The following FHIT variants were observed in gnomAD, a reference collection of about 807,000 sequenced individuals.
FHIT encodes fragile histidine triad diadenosine triphosphatase, also known as bis(5'-adenosyl)-triphosphatase.
Under a neutral mutation model 17.9 loss-of-function variants are expected in FHIT, and 19 were observed. That is an observed-to-expected ratio of 1.06 (90% CI 0.74 to 1.56). FHIT has a LOEUF of 1.56. FHIT is among the 40% of genes most tolerant of loss of function. FHIT has a pLI of 0.00. For missense variants in FHIT, 248 were observed against 189.2 expected (o/e 1.31, Z -1.82); for synonymous variants, 81 against 69.7 (o/e 1.16, Z -0.81).
At chr3:60,597,975 G>A (rs1356559074) in intron 4 of FHIT, among the ~76,000 whole-genome samples, 2 of 152,088 alleles carry the variant, frequency 1.3e-5, no homozygotes, top group East Asian at 3.9e-4. Context: ...GACAGCTCTT[G>A]GCTTCAGGAA....
At chr3:60,024,257 G>A (rs1483093070) in intron 5 of FHIT, among the ~76,000 whole-genome samples, 2 of 151,978 alleles carry the variant, frequency 1.3e-5, no homozygotes, top group African/African-American at 4.8e-5. Context: ...ATAAATGAAA[G>A]AGAGTCACAC....
intron 7 of FHIT, among the ~76,000 whole-genome samples, chr3:59,972,734 T>C (rs1708242462): frequency 6.6e-6 from 1 of 152,182 alleles, no homozygotes; most frequent in Non-Finnish European, 1.5e-5. Flanking sequence ...CTAGTTTAGC[T>C]CACTGAGTTT....
chr3:61,188,727 A>G (rs550373735), intron 2 of FHIT, among the ~76,000 whole-genome samples: 1 of 152,282 alleles, frequency 6.6e-6, no homozygotes, highest in South Asian at 2.1e-4. Context: ...CAAAAAGCTT[A>G]TCCACCATGA....
At chr3:60,487,094 T>C (rs1339803423) in intron 5 of FHIT, among the ~76,000 whole-genome samples, 7 of 152,214 alleles carry the variant, frequency 4.6e-5, no homozygotes, top group Non-Finnish European at 7.3e-5. Flanking sequence ...TTGGGTTTGA[T>C]TGAATCGAAT....
Position 61,131,741 on chromosome 3 carries a change from G to T in FHIT, c.-164+68876C>A, listed in dbSNP as rs138943004. ...AATTCTGAAACTCAAAAAAGGTTTCGTTGTTTATTGGGTATAAGCCAGGCA... is the reference window on the plus strand; with the variant it reads ...AATTCTGAAACTCAAAAAAGGTTTCTTTGTTTATTGGGTATAAGCCAGGCA... On this transcript the variant is annotated intron_variant, in intron 2 of 9. Coordinates refer to ENST00000492590, the MANE Select transcript of FHIT (RefSeq NM_002012.4). 7.2e-5 allele frequency among the ~76,000 whole-genome samples: 11 copies of T among 152,324 alleles called. No homozygotes were observed. In the East Asian group the frequency reaches 2.1e-3, roughly 29 times the overall value.
chr3:60,063,686 T>C (rs1008624795), intron 5 of FHIT, among the ~76,000 whole-genome samples: 4 of 152,210 alleles, frequency 2.6e-5, no homozygotes, highest in African/African-American at 9.6e-5. Flanking sequence ...CTTAGCAAAA[T>C]GGCAAATTCA....
intron 3 of FHIT, among the ~76,000 whole-genome samples, chr3:61,026,210 G>A (rs552041870): frequency 6.6e-6 from 1 of 152,180 alleles, no homozygotes; most frequent in East Asian, 1.9e-4. Flanking sequence ...GAGAAATATG[G>A]TAAAGGAGTC....
At chr3:60,406,005 G>A (rs1036453121) in intron 5 of FHIT, among the ~76,000 whole-genome samples, 1 of 152,134 alleles carries the variant, frequency 6.6e-6, no homozygotes, top group African/African-American at 2.4e-5. Flanking sequence ...ATAGAGTATA[G>A]CCTGGCACAT....
chr3:61,029,055 T>C (rs73104298), intron 3 of FHIT, among the ~76,000 whole-genome samples: 13,401 of 152,162 alleles, frequency 0.088, 638 homozygotes, highest in East Asian at 0.18. Context: ...CACTCATTCC[T>C]CATGCTCTTC....
intron 4 of FHIT, among the ~76,000 whole-genome samples, chr3:60,601,098 G>T (rs1208802638): frequency 6.6e-6 from 1 of 152,174 alleles, no homozygotes; most frequent in Admixed American, 6.5e-5. Flanking sequence ...CCAAGTGACA[G>T]AACCTTTGAA....
intron 2 of FHIT, among the ~76,000 whole-genome samples, chr3:61,163,056 G>A (rs575517925): frequency 2.0e-5 from 3 of 152,052 alleles, no homozygotes; most frequent in African/African-American, 7.2e-5. Flanking sequence ...TATCAATTTC[G>A]AGACTTCACT....
intron 5 of FHIT, among the ~76,000 whole-genome samples, chr3:60,043,282 A>T (rs3856663): frequency 0.36 from 54,730 of 152,138 alleles, 10,855 homozygotes; most frequent in Middle Eastern, 0.56. Flanking sequence ...CCATGATAAT[A>T]CTTTTAATAT....
intron 2 of FHIT, among the ~76,000 whole-genome samples, chr3:61,121,872 A>T (rs980823143): frequency 4.6e-5 from 7 of 152,140 alleles, no homozygotes; most frequent in African/African-American, 1.7e-4. Flanking sequence ...CTCAAAATAA[A>T]CGTATGGAGG....
intron 1 of FHIT, among the ~76,000 whole-genome samples, chr3:61,213,070 A>G (rs945753408): frequency 1.2e-4 from 18 of 152,244 alleles, no homozygotes; most frequent in African/African-American, 3.9e-4. Context: ...TGTAAAGACC[A>G]TCAAGGCTAG....
intron 3 of FHIT, among the ~76,000 whole-genome samples, chr3:60,969,901 A>C (rs917922486): frequency 1.1e-4 from 17 of 152,074 alleles, no homozygotes; most frequent in African/African-American, 3.9e-4. Flanking sequence ...GTCTCCCTCT[A>C]TTGCCCAGGC....
At chr3:59,787,528 ACG>A (rs1491310075) in intron 8 of FHIT, among the ~76,000 whole-genome samples, 1 of 138,962 alleles carries the variant, frequency 7.2e-6, no homozygotes, top group Non-Finnish European at 1.6e-5. Flanking sequence ...ACACACACAC[ACG>A]TCAAAGGCTT....
At chr3:59,988,788 T>A (rs994788071) in intron 7 of FHIT, among the ~76,000 whole-genome samples, 17 of 151,760 alleles carry the variant, frequency 1.1e-4, no homozygotes, top group African/African-American at 3.9e-4. Flanking sequence ...GAAGCAGAGG[T>A]TAAGTAAGTA....
intron 3 of FHIT, among the ~76,000 whole-genome samples, chr3:60,863,974 G>T (rs1289796184): frequency 6.6e-6 from 1 of 152,104 alleles, no homozygotes; most frequent in Admixed American, 6.6e-5. Flanking sequence ...TAAAGAAAAA[G>T]AAGTTTAATG....
intron 4 of FHIT, among the ~76,000 whole-genome samples, chr3:60,626,180 T>A (rs1295702603): frequency 6.6e-6 from 1 of 152,224 alleles, no homozygotes; most frequent in Non-Finnish European, 1.5e-5. Context: ...GCACTTTTTT[T>A]CAAGACTGTT....
Sources: allele counts gnomAD v4.1 joint callset (sites outside exome capture counted in the v4.1 genomes callset), GRCh38; gene constraint gnomAD v4.1.1; transcripts MANE v1.5; gene names NCBI Gene and HGNC (gene_info 2026-07-23, HGNC 2026-07-21).